Variants in A1CF observed in about 807,000 individuals in gnomAD.
A1CF encodes the protein APOBEC-1 stimulating protein.
Under a neutral mutation model 68.9 loss-of-function variants are expected in A1CF, and 48 were observed. That is an observed-to-expected ratio of 0.70 (90% CI 0.55 to 0.89). The LOEUF (loss-of-function observed/expected upper bound fraction) is 0.89. Ranked by LOEUF, A1CF falls within the 40% of genes least tolerant of loss-of-function variation. The probability of loss-of-function intolerance (pLI) is 0.00; values close to 1 mark genes in which losing one functional copy is unlikely to be tolerated. For missense variants in A1CF, 653 were observed against 718.9 expected, an observed-to-expected ratio of 0.91 and a Z score of 1.05; for synonymous variants, 272 against 260.4, an observed-to-expected ratio of 1.04 and a Z score of -0.43.
intron 1 of A1CF, among the ~76,000 whole-genome samples, chr10:50,870,726 A>G (rs1841226360): frequency 6.6e-6 from 1 of 151,808 alleles, no homozygotes; most frequent in Admixed American, 6.6e-5. Flanking sequence ...TTTGCCATGT[A>G]AAGCCTTTTG....
intron 1 of A1CF, among the ~76,000 whole-genome samples, chr10:50,868,415 A>G (rs751873872): frequency 2.6e-5 from 4 of 152,230 alleles, no homozygotes; most frequent in Non-Finnish European, 4.4e-5. Flanking sequence ...TTGTGGTAGC[A>G]TGCACTTTGG....
rs1411063146 is a variant in A1CF at position 50,803,961 on chromosome 10, GC to G, written c.*2767del. The G allele has an allele frequency of 6.6e-6, 1 of 152,028 alleles. No homozygotes were observed. Among genetic ancestry groups the G allele is most frequent in the African/African-American group, 2.4e-5 (1 of 41,402 alleles). The allele number at this position is 152,028 out of a possible 1,614,324, so 9.4% of individuals were successfully genotyped here. A position where few individuals can be genotyped will look rare whatever the true frequency, so the allele number is the denominator to read the frequency against. On this transcript the variant is annotated 3_prime_UTR_variant, in exon 13 of 13. Coordinates refer to ENST00000373997, the MANE Select transcript of A1CF (RefSeq NM_014576.4). ...TTGGTTCTACCAGCAATTTAAAAAA[GC>G]CCGTTGTCTTAATAATTTTAAACTT...
intron 11 of A1CF, among the ~76,000 whole-genome samples, chr10:50,810,783 CT>C (rs1838070592): frequency 6.6e-6 from 1 of 152,180 alleles, no homozygotes; most frequent in South Asian, 2.1e-4. Context: ...GTTTTTATTT[CT>C]ATTACATTTT....
chr10:50,821,253 T>C (rs1838657057), intron 7 of A1CF, among the ~76,000 whole-genome samples: 1 of 152,026 alleles, frequency 6.6e-6, no homozygotes. Context: ...CGAAAGAACA[T>C]CTGGGAACAA....
chr10:50,829,022 A>G (rs1030193077), intron 6 of A1CF, among the ~76,000 whole-genome samples: 2 of 152,202 alleles, frequency 1.3e-5, no homozygotes, highest in Non-Finnish European at 2.9e-5. Flanking sequence ...ATGGCTACAT[A>G]TATTTTTGTA....
intron 1 of A1CF, among the ~76,000 whole-genome samples, chr10:50,869,673 T>C (rs995668445): frequency 6.6e-6 from 1 of 152,118 alleles, no homozygotes; most frequent in Non-Finnish European, 1.5e-5. Context: ...CAAATCAATG[T>C]TCTAGAAGAA....
rs1837836463 is a variant in A1CF at position 50,806,738 on chromosome 10, G to A, written c.1752C>T (p.Gly584=). 1 of 1,601,788 alleles carries A rather than the reference G, an allele frequency of 6.2e-7. No homozygotes were observed. Among genetic ancestry groups the A allele is most frequent in the Non-Finnish European group, 8.5e-7 (1 of 1,175,730 alleles). ...ATTTAAAAAAGCATCTTCAGAAGGT[G>A]CCATATCCATCCCCTCGGGCAGTCA... ...FAVTARGDGY[G]TF is the part of the protein sequence containing the mutation. Residue 584 remains glycine, a synonymous_variant, in exon 13 of 13, where the codon GGC becomes GGT. Coordinates refer to ENST00000373997, the MANE Select transcript of A1CF (RefSeq NM_014576.4).
chr10:50,828,065 C>A (rs2132393455), intron 7 of A1CF, 66 bp downstream of exon 7: 1 of 1,241,100 alleles, frequency 8.1e-7, no homozygotes, highest in South Asian at 1.9e-5. Flanking sequence ...TCGACACATA[C>A]ACCCTCCCAA....
chr10:50,864,625 A>C (rs1840895070), intron 1 of A1CF, among the ~76,000 whole-genome samples: 1 of 151,572 alleles, frequency 6.6e-6, no homozygotes, highest in Non-Finnish European at 1.5e-5. Context: ...TCTTTTCTTT[A>C]CTTTTTTTTT....
At chr10:50,821,980 C>A (rs1245128945) in intron 7 of A1CF, among the ~76,000 whole-genome samples, 8 of 152,006 alleles carry the variant, frequency 5.3e-5, no homozygotes, top group Non-Finnish European at 1.2e-4. Flanking sequence ...AAGATAGAGA[C>A]CAAACTCTTA....
intron 7 of A1CF, 45 bp from the exon 8 acceptor site, chr10:50,820,694 G>A (rs376931125): frequency 1.1e-5 from 17 of 1,509,316 alleles, no homozygotes; most frequent in East Asian, 2.3e-5. Context: ...AATTAAGAGA[G>A]CCTTGAAAGT....
intron 3 of A1CF, among the ~76,000 whole-genome samples, chr10:50,858,485 C>T (rs538787550): frequency 6.6e-6 from 1 of 152,114 alleles, no homozygotes; most frequent in South Asian, 2.1e-4. Context: ...TGCATTACAG[C>T]TAATGTCACC....
At chr10:50,844,297 C>A (rs1296085808) in intron 3 of A1CF, among the ~76,000 whole-genome samples, 175 bp from the exon 4 acceptor site, 5 of 152,122 alleles carry the variant, frequency 3.3e-5, no homozygotes, top group African/African-American at 4.8e-5. Flanking sequence ...GATTATAGTA[C>A]CACACTCTGT....
rs1837820625 is a variant in A1CF at position 50,806,433 on chromosome 10, C to G, written c.*296G>C. 1 of 183,628 alleles carries G rather than the reference C, an allele frequency of 5.4e-6. No individual in the cohort carries two copies. Among genetic ancestry groups the G allele is most frequent in the Admixed American group, 6.2e-5 (1 of 16,254 alleles). The allele number at this position is 183,628 out of a possible 1,614,324, so 11.4% of individuals were successfully genotyped here. A position where few individuals can be genotyped will look rare whatever the true frequency, so the allele number is the denominator to read the frequency against. Reference sequence around the variant, plus strand: ...GCCAGCTACAAGATCTCTCTTCACCCTGGCAGGATTTGTAAACATACTCCC... The same window carrying G: ...GCCAGCTACAAGATCTCTCTTCACCGTGGCAGGATTTGTAAACATACTCCC... On this transcript the variant is annotated 3_prime_UTR_variant, in exon 13 of 13. Coordinates refer to ENST00000373997, the MANE Select transcript of A1CF (RefSeq NM_014576.4).
chr10:50,858,714 T>A (rs1231696988), intron 3 of A1CF, among the ~76,000 whole-genome samples: 1 of 152,002 alleles, frequency 6.6e-6, no homozygotes, highest in Non-Finnish European at 1.5e-5. Context: ...TCTATGGAAG[T>A]GTTGATTGCA....
chr10:50,862,701 A>C (rs1840801785), intron 2 of A1CF, among the ~76,000 whole-genome samples: 1 of 152,234 alleles, frequency 6.6e-6, no homozygotes, highest in Non-Finnish European at 1.5e-5. Context: ...AAAAGGCAAA[A>C]CATTTTGAAG....
chr10:50,885,083 A>C (rs1841947010), intron 1 of A1CF, among the ~76,000 whole-genome samples: 1 of 152,220 alleles, frequency 6.6e-6, no homozygotes, highest in South Asian at 2.1e-4. Flanking sequence ...CAAGAGTTGT[A>C]CCAAGACTTT....
At position 50,814,040 on chromosome 10, in the gene A1CF, T is replaced by C. The variant is rs1838251828; in HGVS notation, c.1142-2A>G. 6.2e-7 allele frequency: 1 copy of C among 1,613,324 alleles called. No homozygotes were observed. The highest frequency in any genetic ancestry group is 8.5e-7 in the Non-Finnish European group (1 of 1,179,708). ...CCAGTCCTCTCACTCCCGCAGCCCCTACAGGTACATTCATGTAAATTTCTA... is the reference window on the plus strand; with the variant it reads ...CCAGTCCTCTCACTCCCGCAGCCCCCACAGGTACATTCATGTAAATTTCTA... On this transcript the variant is annotated splice_acceptor_variant, in intron 9 of 12. Coordinates refer to ENST00000373997, the MANE Select transcript of A1CF (RefSeq NM_014576.4). LOFTEE classifies it high-confidence loss of function.
At chr10:50,865,951 C>T (rs928589272) in intron 1 of A1CF, among the ~76,000 whole-genome samples, 1 of 152,104 alleles carries the variant, frequency 6.6e-6, no homozygotes, top group Non-Finnish European at 1.5e-5. Context: ...CTTTGTTTGC[C>T]CAGAAGGCTC....
Sources: gnomAD v4.1 joint callset for allele counts (sites outside exome capture counted in the v4.1 genomes callset) on GRCh38, gnomAD v4.1.1 for gene constraint, MANE v1.5 for transcripts, NCBI Gene and HGNC (gene_info 2026-07-23, HGNC 2026-07-21) for gene names.